Variants in PPA1 observed in about 807,000 individuals in gnomAD.
The protein encoded by PPA1 is inorganic pyrophosphatase 1.
In PPA1, 23 loss-of-function variants were observed where a neutral mutation model predicts 41.8. That is an observed-to-expected ratio of 0.55 (90% CI 0.40 to 0.78). The LOEUF (loss-of-function observed/expected upper bound fraction) is 0.78. PPA1 is among the 30% of genes least tolerant of loss of function. PPA1 has a pLI of 0.00. For synonymous variants in PPA1, 101 were observed against 116.8 expected (o/e 0.86, Z 0.87); for missense variants, 320 against 361.6 (o/e 0.89, Z 0.93).
At chr10:70,230,446 C>A in intron 1 of PPA1, 47 bp from the exon 2 acceptor site, 1 of 1,524,912 alleles carries the variant, frequency 6.6e-7, no homozygotes, top group South Asian at 1.2e-5. Flanking sequence ...AATTGTATTG[C>A]TAAATGCCCA....
Position 70,209,699 on chromosome 10 carries a change from A to C in PPA1, c.512-14T>G. 1 of 1,575,522 alleles carries C rather than the reference A, an allele frequency of 6.3e-7. No individual in the cohort carries two copies. Among genetic ancestry groups the C allele is most frequent in the Non-Finnish European group, 8.6e-7 (1 of 1,156,738 alleles). ...CATCATTGATATCTAAGAAGAGAAG[A>C]AGCATAAGATGACAGTGAGAATGAT... On this transcript the variant is annotated splice_polypyrimidine_tract_variant and intron_variant, in intron 6 of 10. Transcript: ENST00000373232.
intron 2 of PPA1, among the ~76,000 whole-genome samples, chr10:70,221,478 C>T (rs1253538032): frequency 6.6e-6 from 1 of 152,122 alleles, no homozygotes; most frequent in Middle Eastern, 3.2e-3. Context: ...GAAGAAACTG[C>T]TCTATCCCTG....
intron 2 of PPA1, among the ~76,000 whole-genome samples, chr10:70,228,478 A>G (rs992635889): frequency 2.0e-5 from 3 of 152,186 alleles, no homozygotes; most frequent in African/African-American, 7.2e-5. Flanking sequence ...ATACCTCTTC[A>G]TTGCTCAAAA....
chr10:70,233,012 C>A (rs1263690728), intron 1 of PPA1, among the ~76,000 whole-genome samples: 1 of 152,172 alleles, frequency 6.6e-6, no homozygotes, highest in Non-Finnish European at 1.5e-5. Context: ...GGCCCAGGTT[C>A]GGGTACCCCG....
chr10:70,213,690 A>C (rs773352103), intron 5 of PPA1, 101 bp from the exon 6 acceptor site: 10 of 1,359,352 alleles, frequency 7.4e-6, no homozygotes, highest in Non-Finnish European at 8.9e-6. Context: ...CAAGTTCTTG[A>C]GAATTTACCT....
intron 2 of PPA1, among the ~76,000 whole-genome samples, chr10:70,225,691 T>C (rs951562340): frequency 6.6e-6 from 1 of 151,002 alleles, no homozygotes; most frequent in South Asian, 2.1e-4. Context: ...TTTTGGAGTA[T>C]AAAATCCCTA....
At position 70,221,082 on chromosome 10, in the gene PPA1, T is replaced by TATATATATATATATATATATATATA. The variant is rs1840162235; in HGVS notation, c.124-2266_124-2265insTATATATATATATATATATATATAT. The stretch of plus-strand genomic sequence containing the variant: ...TTTATATATATATATATATATTTTT[T>TATATATATATATATATATATATATA]TTTTTTTTTTTTTGTAGAGATGGAG... On this transcript the variant is annotated intron_variant, in intron 2 of 10. Coordinates refer to ENST00000373232, the MANE Select transcript of PPA1 (RefSeq NM_021129.4). 8.9e-5 allele frequency among the ~76,000 whole-genome samples: 2 copies of TATATATATATATATATATATATATA among 22,520 alleles called. 1 individual carries two copies. Among genetic ancestry groups the TATATATATATATATATATATATATA allele is most frequent in the African/African-American group, 3.0e-4 (2 of 6,572 alleles). 14.8% of individuals were successfully genotyped at this position (22,520 alleles called of 152,430 possible). A position where few individuals can be genotyped will look rare whatever the true frequency, so the allele number is the denominator to read the frequency against.
intron 2 of PPA1, among the ~76,000 whole-genome samples, chr10:70,224,251 A>C (rs1287568034): frequency 1.3e-5 from 2 of 151,326 alleles, no homozygotes; most frequent in Admixed American, 6.6e-5. Context: ...CTCTACAAAA[A>C]AAAAAAAAAA....
chr10:70,228,358 TAC>T (rs1840255153), intron 2 of PPA1, among the ~76,000 whole-genome samples: 1 of 152,208 alleles, frequency 6.6e-6, no homozygotes, highest in South Asian at 2.1e-4. Context: ...TTGGTAGGAA[TAC>T]AGTCACTTAG....
intron 6 of PPA1, among the ~76,000 whole-genome samples, chr10:70,213,033 C>T (rs2151835): frequency 0.11 from 16,205 of 152,082 alleles, 1,247 homozygotes; most frequent in East Asian, 0.22. Context: ...GAGTGATTGC[C>T]CATGGATACA....
At chr10:70,218,649 T>C in intron 3 of PPA1, 115 bp downstream of exon 3, 1 of 786,780 alleles carries the variant, frequency 1.3e-6, no homozygotes, top group Non-Finnish European at 2.1e-6. Flanking sequence ...GAAAATAGAC[T>C]GGGACCAGAC....
intron 1 of PPA1, among the ~76,000 whole-genome samples, chr10:70,231,777 C>A (rs916332065): frequency 6.7e-6 from 1 of 149,880 alleles, no homozygotes; most frequent in East Asian, 1.9e-4. Flanking sequence ...CCAGAGAGTT[C>A]CACTTGATAA....
At chr10:70,221,482 ATCCCTGTT>A (rs891564885) in intron 2 of PPA1, among the ~76,000 whole-genome samples, 11 of 152,298 alleles carry the variant, frequency 7.2e-5, no homozygotes, top group African/African-American at 2.6e-4. Context: ...AAACTGCTCT[ATCCCTGTT>A]TCCCTCTAAA....
intron 2 of PPA1, among the ~76,000 whole-genome samples, chr10:70,228,709 T>G (rs771129923): frequency 6.6e-5 from 10 of 152,178 alleles, no homozygotes; most frequent in Non-Finnish European, 1.3e-4. Context: ...TTGTGGCACA[T>G]AATTGGCCTA....
intron 9 of PPA1, 83 bp downstream of exon 9, chr10:70,206,181 G>T: frequency 6.3e-6 from 7 of 1,106,434 alleles, no homozygotes; most frequent in Non-Finnish European, 9.6e-6. Context: ...AGTATTTGTC[G>T]AAACAAGTAC....
intron 2 of PPA1, among the ~76,000 whole-genome samples, chr10:70,223,536 G>T (rs1413979027): frequency 6.6e-6 from 1 of 152,054 alleles, no homozygotes; most frequent in African/African-American, 2.4e-5. Context: ...TTGTAAGGAG[G>T]GGGTGTTCCA....
chr10:70,216,898 G>T (rs1301480962), intron 4 of PPA1, among the ~76,000 whole-genome samples: 3 of 152,140 alleles, frequency 2.0e-5, no homozygotes, highest in African/African-American at 7.2e-5. Flanking sequence ...GGCCAGACAT[G>T]GTGGCTCACA....
At chr10:70,206,860 A>AGGAGAGGAGG (rs1338037591) in intron 8 of PPA1, among the ~76,000 whole-genome samples, 3 of 37,382 alleles carry the variant, frequency 8.0e-5, no homozygotes, top group Admixed American at 4.5e-4. Flanking sequence ...AGGAGAGGAG[A>AGGAGAGGAGG]GGAGAGGAGG....
In PPA1 at chr10:70,221,066, ATATATATATATTT is replaced by A; in HGVS notation, c.124-2262_124-2250del. ...TTATATATATATATAATTTATATAT[ATATATATATATTT>A]TTTTTTTTTTTTTTTTGTAGAGATG... is the stretch of plus-strand genomic sequence containing the variant. On this transcript the variant is annotated intron_variant, in intron 2 of 10. Transcript: ENST00000373232. Among the ~76,000 whole-genome samples, 2 of 15,894 alleles carry A rather than the reference ATATATATATATTT, an allele frequency of 1.3e-4. 1 individual carries two copies. Among genetic ancestry groups the A allele is most frequent in the African/African-American group, 9.2e-4 (2 of 2,184 alleles). 10.4% of individuals were successfully genotyped at this position (15,894 alleles called of 152,430 possible). A position where few individuals can be genotyped will look rare whatever the true frequency, so the allele number is the denominator to read the frequency against.
Sources: gnomAD v4.1 joint callset for allele counts (sites outside exome capture counted in the v4.1 genomes callset) on GRCh38, gnomAD v4.1.1 for gene constraint, MANE v1.5 for transcripts, NCBI Gene and HGNC (gene_info 2026-07-23, HGNC 2026-07-21) for gene names.